AGBL1: variants seen among roughly 807,000 people sequenced by gnomAD.
AGBL1 encodes the protein cytosolic carboxypeptidase 4.
In AGBL1, 130 loss-of-function variants were observed where a neutral mutation model predicts 118.9. The observed-to-expected ratio is 1.09, with a 90% CI of 0.95 to 1.26. The LOEUF (loss-of-function observed/expected upper bound fraction) is 1.26, where lower values mean the gene tolerates loss of function less well. AGBL1 is among the 50% of genes most tolerant of loss of function. The pLI is 0.00. For missense variants in AGBL1, 1,584 were observed against 1,298.1 expected (o/e 1.22, Z -3.38); for synonymous variants, 555 against 478.9 (o/e 1.16, Z -2.08).
At chr15:86,759,825 A>G (rs1222870468) in intron 22 of AGBL1, among the ~76,000 whole-genome samples, 1 of 152,154 alleles carries the variant, frequency 6.6e-6, no homozygotes, top group Non-Finnish European at 1.5e-5. Flanking sequence ...CAATAGAAAC[A>G]TTTATTGTAA....
chr15:86,637,855 T>A (rs1376345940), intron 21 of AGBL1, among the ~76,000 whole-genome samples: 2 of 152,230 alleles, frequency 1.3e-5, no homozygotes, highest in Non-Finnish European at 2.9e-5. Context: ...GCAGTGGACA[T>A]GCTTTCTGCC....
intron 22 of AGBL1, among the ~76,000 whole-genome samples, chr15:86,853,697 C>T (rs190905521): frequency 7.9e-5 from 12 of 152,256 alleles, no homozygotes; most frequent in African/African-American, 2.4e-4. Context: ...AAAAATTTAC[C>T]GACTTGTGCA....
intron 21 of AGBL1, among the ~76,000 whole-genome samples, chr15:86,572,523 T>C (rs540921400): frequency 1.3e-5 from 2 of 152,262 alleles, no homozygotes; most frequent in Non-Finnish European, 2.9e-5. Flanking sequence ...AGAGGCAGGC[T>C]CTGGAGACTG....
At chr15:86,154,612 G>T (rs909641157) in intron 4 of AGBL1, 51 bp downstream of exon 4, 3 of 1,564,724 alleles carry the variant, frequency 1.9e-6, no homozygotes, top group African/African-American at 2.7e-5. Context: ...CCTGGGCTGG[G>T]ACACATGGAA....
Position 86,449,572 on chromosome 15 carries a change from G to A in AGBL1, c.2555+52026G>A, listed in dbSNP as rs1008270450. Among the ~76,000 whole-genome samples the A allele has an allele frequency of 4.6e-5, 7 of 152,200 alleles. No homozygotes were observed. In the South Asian group the frequency reaches 8.3e-4, roughly 18 times the overall value. On this transcript the variant is annotated intron_variant, in intron 18 of 22. Coordinates refer to ENST00000614907, the MANE Select transcript of AGBL1 (RefSeq NM_001386094.1). ...CCAGTTTCTTCCTCTGTAAAAATGT[G>A]GAGGATTTTACCTACCACACAGGCT...
At chr15:86,384,457 T>G (rs1264723861) in intron 17 of AGBL1, among the ~76,000 whole-genome samples, 1 of 152,218 alleles carries the variant, frequency 6.6e-6, no homozygotes, top group African/African-American at 2.4e-5. Flanking sequence ...CCCAAGTGAC[T>G]GCCGTTTCTG....
chr15:86,585,205 A>G (rs1264665449), intron 21 of AGBL1, among the ~76,000 whole-genome samples: 2 of 152,040 alleles, frequency 1.3e-5, no homozygotes, highest in Non-Finnish European at 2.9e-5. Context: ...TCTGGCTAGT[A>G]CTTCCTCAGA....
chr15:86,091,073 C>A (rs1207810749), intron 1 of AGBL1, among the ~76,000 whole-genome samples: 2 of 152,138 alleles, frequency 1.3e-5, no homozygotes, highest in Non-Finnish European at 2.9e-5. Flanking sequence ...TTGGGTACTG[C>A]CACCGACTTT....
At chr15:86,970,413 TATG>T (rs1349348626) in intron 23 of AGBL1, among the ~76,000 whole-genome samples, 2 of 151,960 alleles carry the variant, frequency 1.3e-5, no homozygotes, top group Non-Finnish European at 2.9e-5. Context: ...GCATTAAAGA[TATG>T]ATTCCATTTA....
At chr15:86,434,986 A>G (rs1355997297) in intron 18 of AGBL1, among the ~76,000 whole-genome samples, 1 of 152,226 alleles carries the variant, frequency 6.6e-6, no homozygotes, top group Non-Finnish European at 1.5e-5. Context: ...TGTGTCCAAT[A>G]GTAAGTTTTT....
chr15:86,861,490 C>T (rs759528194), intron 22 of AGBL1, among the ~76,000 whole-genome samples: 14 of 152,082 alleles, frequency 9.2e-5, no homozygotes, highest in Non-Finnish European at 1.5e-4. Context: ...GTAACTATTC[C>T]GACTACAGGG....
intron 23 of AGBL1, chr15:86,939,531 T>C (rs564977008): frequency 1.3e-5 from 2 of 152,296 alleles, no homozygotes; most frequent in Non-Finnish European, 2.9e-5. Flanking sequence ...AGATAGCCTA[T>C]TGTGGGACTT....
intron 21 of AGBL1, among the ~76,000 whole-genome samples, chr15:86,574,238 C>G (rs925540256): frequency 6.6e-5 from 10 of 152,144 alleles, no homozygotes; most frequent in African/African-American, 2.4e-4. Context: ...CTTCCTGTTT[C>G]CTGTTAGTCC....
intron 23 of AGBL1, among the ~76,000 whole-genome samples, chr15:86,976,682 C>T (rs891213609): frequency 2.0e-5 from 3 of 151,920 alleles, no homozygotes; most frequent in African/African-American, 7.2e-5. Context: ...AATATTATTC[C>T]TATACTCCTT....
chr15:86,327,945 G>C (rs192747266), intron 17 of AGBL1, among the ~76,000 whole-genome samples: 37 of 152,214 alleles, frequency 2.4e-4, no homozygotes, highest in African/African-American at 8.4e-4. Flanking sequence ...AGAAGAATAT[G>C]GTTTAGGATC....
intron 18 of AGBL1, among the ~76,000 whole-genome samples, chr15:86,416,425 T>G (rs148431690): frequency 1.4e-4 from 21 of 152,292 alleles, no homozygotes; most frequent in Middle Eastern, 3.4e-3. Context: ...CTGATCAGGC[T>G]GGGCTTCTCT....
At chr15:86,324,103 ATTAC>A (rs2080146654) in intron 17 of AGBL1, among the ~76,000 whole-genome samples, 1 of 152,234 alleles carries the variant, frequency 6.6e-6, no homozygotes. Context: ...TAATTTAAAA[ATTAC>A]TTTAATTTAG....
chr15:86,358,342 C>T (rs1197743794), intron 17 of AGBL1, among the ~76,000 whole-genome samples: 1 of 152,032 alleles, frequency 6.6e-6, no homozygotes, highest in African/African-American at 2.4e-5. Context: ...TTCATCCATA[C>T]TGTCATGAAT....
intron 5 of AGBL1, among the ~76,000 whole-genome samples, chr15:86,164,177 A>C (rs1365251877): frequency 6.6e-6 from 1 of 152,242 alleles, no homozygotes; most frequent in Non-Finnish European, 1.5e-5. Flanking sequence ...CATTCACATT[A>C]AAACTTTGCT....
Sources: gnomAD v4.1 joint callset for allele counts (sites outside exome capture counted in the v4.1 genomes callset) on GRCh38, gnomAD v4.1.1 for gene constraint, MANE v1.5 for transcripts, NCBI Gene and HGNC (gene_info 2026-07-23, HGNC 2026-07-21) for gene names.